NLGN1: variants seen among roughly 807,000 people sequenced by gnomAD.
NLGN1 encodes neuroligin 1.
A neutral mutation model predicts 65.5 loss-of-function variants in NLGN1; 12 were observed. That is an observed-to-expected ratio of 0.18 (90% CI 0.12 to 0.30). NLGN1 has a LOEUF of 0.30. Ranked by LOEUF, NLGN1 falls within the 10% of genes least tolerant of loss-of-function variation. The pLI is 1.00. For synonymous variants in NLGN1, 350 were observed against 359.5 expected (o/e 0.97, Z 0.30); for missense variants, 750 against 1,007.1 (o/e 0.74, Z 3.46).
chr3:173,936,247 T>G (rs1745060063), intron 4 of NLGN1, among the ~76,000 whole-genome samples: 1 of 152,036 alleles, frequency 6.6e-6, no homozygotes, highest in Admixed American at 6.6e-5. Context: ...TACATCTGCT[T>G]TCTCCTTAAG....
chr3:173,568,194 T>C (rs1744016097), intron 2 of NLGN1, among the ~76,000 whole-genome samples: 1 of 147,010 alleles, frequency 6.8e-6, no homozygotes, highest in African/African-American at 2.4e-5. Context: ...TTCCCTTTTC[T>C]TTTCTTTCCT....
At position 174,270,121 on chromosome 3, in the gene NLGN1, CTTTCT is replaced by C. The variant is rs1311367477; in HGVS notation, c.647-5190_647-5186del. Among the ~76,000 whole-genome samples, 26 of 91,818 alleles carry C rather than the reference CTTTCT, an allele frequency of 2.8e-4. No individual in the cohort carries two copies. In the East Asian group the frequency reaches 3.1e-3, roughly 11 times the overall value. The allele number at this position is 91,818 out of a possible 152,430, so 60.2% of individuals were successfully genotyped here. ...TGTTTTCTCCCATTCTGTTGGTTTC[CTTTCT>C]TTTTTTTTTTTTTTTGATGTGCAGA... On this transcript the variant is annotated intron_variant, in intron 4 of 6. Transcript: ENST00000457714.
intron 3 of NLGN1, among the ~76,000 whole-genome samples, chr3:173,626,051 A>G (rs945344896): frequency 2.0e-5 from 3 of 152,068 alleles, no homozygotes; most frequent in African/African-American, 4.8e-5. Flanking sequence ...TATAACCTGT[A>G]TATTAGTGCT....
At chr3:174,003,493 A>G (rs1459620555) in intron 4 of NLGN1, among the ~76,000 whole-genome samples, 1 of 152,196 alleles carries the variant, frequency 6.6e-6, no homozygotes, top group African/African-American at 2.4e-5. Context: ...TTATGGAGTC[A>G]AGATATACAT....
At chr3:173,826,950 A>G (rs190669425) in intron 4 of NLGN1, among the ~76,000 whole-genome samples, 39 of 152,200 alleles carry the variant, frequency 2.6e-4, no homozygotes, top group African/African-American at 4.3e-4. Context: ...AAACAGAAAC[A>G]TATTTCATCA....
chr3:173,975,611 T>C (rs1409894490), intron 4 of NLGN1, among the ~76,000 whole-genome samples: 1 of 151,978 alleles, frequency 6.6e-6, no homozygotes, highest in African/African-American at 2.4e-5. Context: ...AGACAGGGTA[T>C]GTGACATTAC....
At chr3:174,254,901 G>C (rs1247496846) in intron 4 of NLGN1, among the ~76,000 whole-genome samples, 1 of 152,054 alleles carries the variant, frequency 6.6e-6, no homozygotes, top group Non-Finnish European at 1.5e-5. Context: ...ATTCTCCCTT[G>C]TTATATATAT....
At chr3:174,101,347 G>C (rs1267776657) in intron 4 of NLGN1, among the ~76,000 whole-genome samples, 1 of 152,134 alleles carries the variant, frequency 6.6e-6, no homozygotes, top group Non-Finnish European at 1.5e-5. Context: ...TAAGGTGTTT[G>C]AGGAATTAAT....
intron 1 of NLGN1, among the ~76,000 whole-genome samples, chr3:173,431,300 C>A (rs1336286945): frequency 1.3e-5 from 2 of 151,936 alleles, no homozygotes; most frequent in Non-Finnish European, 2.9e-5. Context: ...ATTGTGTTTC[C>A]TTTTTTTGGT....
At chr3:174,012,209 A>G (rs1212287172) in intron 4 of NLGN1, among the ~76,000 whole-genome samples, 2 of 152,038 alleles carry the variant, frequency 1.3e-5, no homozygotes, top group Admixed American at 6.6e-5. Context: ...CTTACCACCC[A>G]TCTCCCATAC....
chr3:173,529,679 C>T lies in NLGN1; in HGVS notation c.-320-74600C>T, dbSNP rs529112474. The stretch of plus-strand genomic sequence containing the variant: ...AATGCCGTGGGAAATGCCTGACCCT[C>T]AGCTCTCAGTAGGAACGGTTTTGGG... On this transcript the variant is annotated intron_variant, in intron 2 of 6. Coordinates refer to ENST00000457714, the Ensembl canonical transcript of NLGN1. Among the ~76,000 whole-genome samples the T allele has an allele frequency of 6.6e-5, 10 of 152,318 alleles. No homozygotes were observed. The South Asian group carries it at 1.9e-3, about 28-fold the overall frequency.
At chr3:173,765,477 A>G (rs895025949) in intron 3 of NLGN1, among the ~76,000 whole-genome samples, 10 of 152,168 alleles carry the variant, frequency 6.6e-5, no homozygotes, top group South Asian at 2.1e-4. Flanking sequence ...AGAAAAAAAT[A>G]ACTGGACTCC....
intron 4 of NLGN1, among the ~76,000 whole-genome samples, chr3:174,183,711 A>G (rs543395167): frequency 2.9e-3 from 435 of 152,308 alleles, no homozygotes; most frequent in Non-Finnish European, 5.2e-3. Flanking sequence ...CACAACATTC[A>G]TAATTTAAAC....
At chr3:173,549,192 C>G (rs960997197) in intron 2 of NLGN1, among the ~76,000 whole-genome samples, 3 of 151,838 alleles carry the variant, frequency 2.0e-5, no homozygotes, top group Admixed American at 6.6e-5. Context: ...GATAACAAAT[C>G]CAGATAAATT....
chr3:173,944,124 GGTGTGTGT>G (rs1553897255), intron 4 of NLGN1, among the ~76,000 whole-genome samples: 1 of 139,510 alleles, frequency 7.2e-6, no homozygotes, highest in Non-Finnish European at 1.6e-5. Flanking sequence ...TAATATTATG[GGTGTGTGT>G]GTGTGTGTGT....
intron 3 of NLGN1, among the ~76,000 whole-genome samples, chr3:173,673,276 C>T (rs1762693900): frequency 6.6e-6 from 1 of 152,138 alleles, no homozygotes; most frequent in African/African-American, 2.4e-5. Context: ...CAATAAGTAG[C>T]TACTAGTGCT....
At chr3:174,007,864 A>G (rs903021195) in intron 4 of NLGN1, among the ~76,000 whole-genome samples, 5 of 152,004 alleles carry the variant, frequency 3.3e-5, no homozygotes, top group Admixed American at 3.3e-4. Context: ...CACAAACATG[A>G]TGAGGCTGGA....
intron 4 of NLGN1, among the ~76,000 whole-genome samples, chr3:173,962,639 C>A (rs999771644): frequency 6.6e-6 from 1 of 152,036 alleles, no homozygotes; most frequent in East Asian, 1.9e-4. Context: ...AATTAAAGTT[C>A]TGAAAGGATA....
At chr3:173,593,523 A>G (rs1212140530) in intron 2 of NLGN1, among the ~76,000 whole-genome samples, 1 of 152,212 alleles carries the variant, frequency 6.6e-6, no homozygotes. Context: ...GTTTTGAGAG[A>G]TAAGAGAAGG....
Sources: gnomAD v4.1 joint callset for allele counts (sites outside exome capture counted in the v4.1 genomes callset) on GRCh38, gnomAD v4.1.1 for gene constraint, MANE v1.5 for transcripts, NCBI Gene and HGNC (gene_info 2026-07-23, HGNC 2026-07-21) for gene names.